GFI1: variants seen among roughly 807,000 people sequenced by gnomAD.
GFI1 encodes growth factor independent 1 transcriptional repressor.
In GFI1, 15 loss-of-function variants were observed where a neutral mutation model predicts 39.2. The observed-to-expected ratio is 0.38, with a 90% CI of 0.26 to 0.59. The LOEUF (loss-of-function observed/expected upper bound fraction) is 0.59, where lower values mean the gene tolerates loss of function less well. GFI1 is among the 20% of genes least tolerant of loss of function. The probability of loss-of-function intolerance (pLI) is 0.62; values close to 1 mark genes in which losing one functional copy is unlikely to be tolerated. For missense variants in GFI1, 475 were observed against 574.0 expected (o/e 0.83, Z 1.76); for synonymous variants, 239 against 254.3 (o/e 0.94, Z 0.57).
chr1:92,485,087 C>G (rs1348423094), intron 1 of GFI1, among the ~76,000 whole-genome samples: 1 of 152,178 alleles, frequency 6.6e-6, no homozygotes, highest in African/African-American at 2.4e-5. Flanking sequence ...CCATTGTGTC[C>G]CCTTCTCCGG....
At chr1:92,479,399 G>A (rs541605112) in intron 5 of GFI1, among the ~76,000 whole-genome samples, 1 of 152,266 alleles carries the variant, frequency 6.6e-6, no homozygotes, top group Non-Finnish European at 1.5e-5. Flanking sequence ...ATTCTCCTGA[G>A]ATAGCTATTG....
At chr1:92,479,096 C>T (rs905630787) in intron 5 of GFI1, among the ~76,000 whole-genome samples, 5 of 152,190 alleles carry the variant, frequency 3.3e-5, no homozygotes, top group African/African-American at 4.8e-5. Context: ...AAACACCTGG[C>T]CTCAAGTGAT....
chr1:92,480,536 C>T lies in GFI1; in HGVS notation c.787-51G>A, dbSNP rs1658179427. On this transcript the variant is annotated intron_variant, in intron 4 of 6. Transcript: ENST00000294702. The surrounding 1 kb of genome is among the most constrained non-coding windows in gnomAD (Gnocchi z 5.6). The stretch of plus-strand genomic sequence containing the variant: ...GGCCGCTGAGAGGGGCCGCGGGGCG[C>T]AGGCGAGGCGCGGGTAGGGGAAGCG... 6.5e-7 allele frequency: 1 copy of T among 1,546,316 alleles called. No individual in the cohort carries two copies. Among genetic ancestry groups the T allele is most frequent in the Non-Finnish European group, 8.7e-7 (1 of 1,145,792 alleles).
In GFI1 at chr1:92,475,955, A is replaced by C; in HGVS notation, c.*74T>G. ...CAGAAGGGAGTGGAGGCAAGCAGGGAGCAGAGTGGTGGCAAGCAGGGAGGC... is the reference window on the plus strand; with the variant it reads ...CAGAAGGGAGTGGAGGCAAGCAGGGCGCAGAGTGGTGGCAAGCAGGGAGGC... On this transcript the variant is annotated 3_prime_UTR_variant, in exon 7 of 7. Coordinates refer to ENST00000294702, the MANE Select transcript of GFI1 (RefSeq NM_005263.5). 1 of 1,381,606 alleles carries C rather than the reference A, an allele frequency of 7.2e-7. No individual in the cohort carries two copies. The highest frequency in any genetic ancestry group is 1.0e-6 in the Non-Finnish European group (1 of 982,444). 85.6% of individuals were successfully genotyped at this position (1,381,606 alleles called of 1,614,324 possible). A position where few individuals can be genotyped will look rare whatever the true frequency, so the allele number is the denominator to read the frequency against.
chr1:92,484,044 G>T lies in GFI1; in HGVS notation c.-99-458C>A. On this transcript the variant is annotated intron_variant, in intron 1 of 6. Transcript: ENST00000294702. This position sits in a 1 kb window ranked among gnomAD's most constrained non-coding sequence, Gnocchi z 4.1. ...TAGGGGCCGGGGATGCCCAGTGGTCGAGGACCCGGAAGGGGCAAGGAGCCA... is the reference window on the plus strand; with the variant it reads ...TAGGGGCCGGGGATGCCCAGTGGTCTAGGACCCGGAAGGGGCAAGGAGCCA... 2 of 197,598 alleles carry T rather than the reference G, an allele frequency of 1.0e-5. No homozygotes were observed. The highest frequency in any genetic ancestry group is 1.8e-4 in the South Asian group (2 of 11,170). The allele number at this position is 197,598 out of a possible 1,614,324, so 12.2% of individuals were successfully genotyped here. A position where few individuals can be genotyped will look rare whatever the true frequency, so the allele number is the denominator to read the frequency against.
Position 92,484,003 on chromosome 1 carries a change from G to C in GFI1, c.-99-417C>G, listed in dbSNP as rs563388473. 4.1e-6 allele frequency: 1 copy of C among 244,882 alleles called. No individual in the cohort carries two copies. Among genetic ancestry groups the C allele is most frequent in the South Asian group, 4.9e-5 (1 of 20,286 alleles). 15.2% of individuals were successfully genotyped at this position (244,882 alleles called of 1,614,324 possible). On this transcript the variant is annotated intron_variant, in intron 1 of 6. Transcript: ENST00000294702. This position sits in a 1 kb window ranked among gnomAD's most constrained non-coding sequence, Gnocchi z 4.1. ...TTTACGGCTGGCGAGGGAGGGCGGG[G>C]ACACGCGGATCGGTTTAGGGGCCGG...
Position 92,480,202 on chromosome 1 carries a change from G to T in GFI1, c.924+146C>A. 2.2e-6 allele frequency: 2 copies of T among 904,068 alleles called. No individual in the cohort carries two copies. Among genetic ancestry groups the T allele is most frequent in the African/African-American group, 3.3e-5 (2 of 61,238 alleles). 56.0% of individuals were successfully genotyped at this position (904,068 alleles called of 1,614,324 possible). ...CCTTTCCCTACACACCTGCACCAGG[G>T]CAAGGGGACGCAGCGGAGGGCTTGG... is the stretch of plus-strand genomic sequence containing the variant. On this transcript the variant is annotated intron_variant, in intron 5 of 6. Coordinates refer to ENST00000294702, the MANE Select transcript of GFI1 (RefSeq NM_005263.5). The surrounding 1 kb of genome is among the most constrained non-coding windows in gnomAD (Gnocchi z 5.6).
Position 92,480,656 on chromosome 1 carries a change from A to G in GFI1, c.731T>C (p.Leu244Pro). The G allele has an allele frequency of 6.3e-7, 1 of 1,593,616 alleles. No homozygotes were observed. The highest frequency in any genetic ancestry group is 8.5e-7 in the Non-Finnish European group (1 of 1,176,686). ...GCCGCCCAGCAGCAGGCGGGTGCACAGCAGCTCCGACTCCACCTTGACGCC... is the reference window on the plus strand; with the variant it reads ...GCCGCCCAGCAGCAGGCGGGTGCACGGCAGCTCCGACTCCACCTTGACGCC... ...GAGVKVESEL[L>P]CTRLLLGGGS... The change falls in exon 4 of 7, where the codon CTG (leucine) becomes CCG (proline). Residue 244 changes from leucine to proline, a missense_variant. Coordinates refer to ENST00000294702, the MANE Select transcript of GFI1 (RefSeq NM_005263.5). The surrounding 1 kb of genome is among the most constrained non-coding windows in gnomAD (Gnocchi z 5.6).
intron 1 of GFI1, among the ~76,000 whole-genome samples, chr1:92,485,843 G>A (rs1276090723): frequency 2.0e-5 from 3 of 152,326 alleles, no homozygotes; most frequent in East Asian, 1.9e-4. Context: ...CACACTGCGC[G>A]GGTCGCGCCC....
rs1207661461 is a variant in GFI1, at chr1:92,482,018, G to C, written c.298+846C>G. The stretch of plus-strand genomic sequence containing the variant: ...GGCTGTACCCGGAGTTTCGTTCGGA[G>C]GGGTTCGGGGCGCGCCCAATCCTTG... On this transcript the variant is annotated intron_variant, in intron 3 of 6. Coordinates refer to ENST00000294702, the MANE Select transcript of GFI1 (RefSeq NM_005263.5). This position sits in a 1 kb window ranked among gnomAD's most constrained non-coding sequence, Gnocchi z 4.4. Among the ~76,000 whole-genome samples the C allele has an allele frequency of 6.6e-6, 1 of 151,934 alleles. No individual in the cohort carries two copies. The highest frequency in any genetic ancestry group is 1.5e-5 in the Non-Finnish European group (1 of 68,002).
chr1:92,473,387 A>G lies in GFI1; in HGVS notation c.*2642T>C, dbSNP rs1657817493. ...CAGGTTGGAAATAACCAACCAGTAC[A>G]CAGGGTGACTTCTGTGGGAAGGATG... On this transcript the variant is annotated 3_prime_UTR_variant, in exon 7 of 7. Coordinates refer to ENST00000294702, the MANE Select transcript of GFI1 (RefSeq NM_005263.5). 6.6e-6 allele frequency among the ~76,000 whole-genome samples: 1 copy of G among 152,144 alleles called. No individual in the cohort carries two copies. The highest frequency in any genetic ancestry group is 1.5e-5 in the Non-Finnish European group (1 of 68,022).
In GFI1 at chr1:92,482,985, C is replaced by A. The variant is rs753869913; in HGVS notation, c.177G>T (p.Ser59=). 1 of 1,611,160 alleles carries A rather than the reference C, an allele frequency of 6.2e-7. No homozygotes were observed. The highest frequency in any genetic ancestry group is 1.1e-5 in the South Asian group (1 of 91,050). The change falls in exon 3 of 7, where the codon TCG becomes TCT. Residue 59 remains serine, a synonymous_variant. Transcript: ENST00000294702. The surrounding 1 kb of genome is among the most constrained non-coding windows in gnomAD (Gnocchi z 4.4). Reference sequence around the variant, plus strand: ...CTCTGTCTGGGGCTTCGGTCAGCTGCGATTCGGGGGACAAACGGTCCCGGG... The same window carrying A: ...CTCTGTCTGGGGCTTCGGTCAGCTGAGATTCGGGGGACAAACGGTCCCGGG... ...AEPRDRLSPE[S]QLTEAPDRAS...
chr1:92,474,531 A>G lies in GFI1; in HGVS notation c.*1498T>C, dbSNP rs1259778232. 2.6e-5 allele frequency among the ~76,000 whole-genome samples: 4 copies of G among 152,206 alleles called. No individual in the cohort carries two copies. Among genetic ancestry groups the G allele is most frequent in the Non-Finnish European group, 5.9e-5 (4 of 68,038 alleles). ...CTACAAGGTAGTAGCTTAGTTTTGT[A>G]CACCTCCTAGTTTTTCTCTTATGAA... On this transcript the variant is annotated 3_prime_UTR_variant, in exon 7 of 7. Coordinates refer to ENST00000294702, the MANE Select transcript of GFI1 (RefSeq NM_005263.5).
intron 6 of GFI1, among the ~76,000 whole-genome samples, chr1:92,477,616 A>G (rs1475676574): frequency 6.6e-6 from 1 of 152,226 alleles, no homozygotes; most frequent in Non-Finnish European, 1.5e-5. Flanking sequence ...TAAAAGCCAG[A>G]GCATTACATG....
At chr1:92,478,863 T>A in intron 5 of GFI1, 110 bp from the exon 6 acceptor site, 1 of 1,420,518 alleles carries the variant, frequency 7.0e-7, no homozygotes, top group African/African-American at 1.4e-5. Flanking sequence ...TAAAATCCCT[T>A]GAACACTTTT....
intron 1 of GFI1, among the ~76,000 whole-genome samples, chr1:92,486,222 G>C (rs909870838): frequency 3.3e-5 from 5 of 152,140 alleles, no homozygotes; most frequent in Non-Finnish European, 7.4e-5. Context: ...TCGGGCGGCC[G>C]GGCGCGCTCC....
chr1:92,477,754 G>A (rs550387081), intron 6 of GFI1, among the ~76,000 whole-genome samples: 4 of 152,302 alleles, frequency 2.6e-5, no homozygotes, highest in Admixed American at 6.5e-5. Flanking sequence ...AGATTTGAAA[G>A]TACTTTGTAA....
Position 92,474,619 on chromosome 1 carries a change from C to G in GFI1, c.*1410G>C, listed in dbSNP as rs1657871823. Reference sequence around the variant, plus strand: ...AGGAGAAAGTATATGGAAACCCGAGCAATTGGATTTTACTCTTCTGGATAT... The same window carrying G: ...AGGAGAAAGTATATGGAAACCCGAGGAATTGGATTTTACTCTTCTGGATAT... On this transcript the variant is annotated 3_prime_UTR_variant, in exon 7 of 7. Transcript: ENST00000294702. The G allele has an allele frequency of 1.3e-5, 2 of 152,688 alleles. No homozygotes were observed. The highest frequency in any genetic ancestry group is 6.5e-5 in the Admixed American group (1 of 15,296). 9.5% of individuals were successfully genotyped at this position (152,688 alleles called of 1,614,324 possible).
intron 1 of GFI1, chr1:92,486,219 G>C (rs951561320): frequency 2.1e-4 from 32 of 152,600 alleles, no homozygotes; most frequent in African/African-American, 7.7e-4. Context: ...CCGTCGGGCG[G>C]CCGGGCGCGC....
Sources: gnomAD v4.1 joint callset for allele counts (sites outside exome capture counted in the v4.1 genomes callset) on GRCh38, gnomAD v4.1.1 for gene constraint, Gnocchi (gnomAD v3.1) non-coding constraint, MANE v1.5 for transcripts, NCBI Gene and HGNC (gene_info 2026-07-23, HGNC 2026-07-21) for gene names.